ADH1B: variants seen among roughly 807,000 people sequenced by gnomAD.
The protein encoded by ADH1B is alcohol dehydrogenase 1B (class I), beta polypeptide.
ADH1B carries 29 observed loss-of-function variants against 34.6 expected under a neutral mutation model. The observed-to-expected ratio is 0.84, with a 90% CI of 0.62 to 1.14. The LOEUF is 1.14. Among genes scored for constraint, ADH1B ranks in the 50% most tolerant of loss-of-function variants. The pLI is 0.00. For missense variants in ADH1B, 424 were observed against 468.4 expected, an observed-to-expected ratio of 0.91 and a Z score of 0.87; for synonymous variants, 170 against 175.5, an observed-to-expected ratio of 0.97 and a Z score of 0.25.
At chr4:99,310,442 T>C (rs1477422956) in intron 8 of ADH1B, 2 of 391,370 alleles carry the variant, frequency 5.1e-6, no homozygotes, top group Non-Finnish European at 4.9e-6. Flanking sequence ...GTTATAATTA[T>C]GGCTGTTTAA....
In ADH1B at chr4:99,318,148, C is replaced by T. The variant is rs980036132; in HGVS notation, c.157G>A (p.Val53Met). 6 of 1,613,998 alleles carry T rather than the reference C, an allele frequency of 3.7e-6. No individual in the cohort carries two copies. Among genetic ancestry groups the T allele is most frequent in the Non-Finnish European group, 4.2e-6 (5 of 1,180,010 alleles). Reference sequence around the variant, plus strand: ...GGGGTCACCAGGTTGCCACTAACCACGTGGTCATCTGTGTGACAGATTCCT... The same window carrying T: ...GGGGTCACCAGGTTGCCACTAACCATGTGGTCATCTGTGTGACAGATTCCT... ...AVGICHTDDH[V>M]VSGNLVTPLP... Residue 53 changes from valine (V) to methionine (M), a missense_variant, in exon 3 of 9, where the codon GTG becomes ATG. Coordinates refer to ENST00000305046, the MANE Select transcript of ADH1B (RefSeq NM_000668.6).
In ADH1B at chr4:99,318,881, G is replaced by C; in HGVS notation, c.24C>G (p.Ile8Met). ...CCCATAGCACAGCTGCTTTGCATTT[G>C]ATTACCTAGAAAATCAAACAGAGAG... is the stretch of plus-strand genomic sequence containing the variant. Reference protein sequence around the residue: MSTAGKVIKCKAAVLWEV... With the variant: MSTAGKVMKCKAAVLWEV... The change falls in exon 2 of 9, where the codon ATC (isoleucine) becomes ATG (methionine). Residue 8 changes from isoleucine to methionine, a missense_variant. Ile to Met is a conservative substitution (Grantham distance 10). Coordinates refer to ENST00000305046, the MANE Select transcript of ADH1B (RefSeq NM_000668.6). 3.1e-6 allele frequency: 5 copies of C among 1,613,374 alleles called. No homozygotes were observed. The highest frequency in any genetic ancestry group is 4.2e-6 in the Non-Finnish European group (5 of 1,179,400).
chr4:99,317,828 A>G, intron 3 of ADH1B: 2 of 650,290 alleles, frequency 3.1e-6, no homozygotes, highest in Non-Finnish European at 2.5e-6. Context: ...TCTAGTAGAT[A>G]CTCGGTACAT....
intron 8 of ADH1B, among the ~76,000 whole-genome samples, chr4:99,308,418 GA>G (rs1160093073): frequency 2.9e-5 from 4 of 137,786 alleles, no homozygotes; most frequent in African/African-American, 1.4e-4. Context: ...ATTATAAGAT[GA>G]TGGATAACTT....
Position 99,305,072 on chromosome 4 carries a change from A to G in ADH1B, c.*2768T>C, listed in dbSNP as rs1490658605. 1.3e-5 allele frequency: 2 copies of G among 151,770 alleles called. No homozygotes were observed. The highest frequency in any genetic ancestry group is 4.8e-5 in the African/African-American group (2 of 41,284). 9.4% of individuals were successfully genotyped at this position (151,770 alleles called of 1,614,324 possible). A position where few individuals can be genotyped will look rare whatever the true frequency, so the allele number is the denominator to read the frequency against. ...TTAGTTTCCTCTTCCACGAATTTCC[A>G]TCATTGTTCATTTTCCTCTTTGGTT... On this transcript the variant is annotated 3_prime_UTR_variant, in exon 9 of 9. Coordinates refer to ENST00000305046, the MANE Select transcript of ADH1B (RefSeq NM_000668.6).
At chr4:99,319,091 A>C (rs1269036879) in intron 1 of ADH1B, 7 of 699,108 alleles carry the variant, frequency 1.0e-5, no homozygotes, top group Admixed American at 4.5e-5. Flanking sequence ...ACAAAGTATA[A>C]TAAGACATTG....
chr4:99,317,896 G>T, intron 3 of ADH1B, 150 bp downstream of exon 3: 1 of 1,328,914 alleles, frequency 7.5e-7, no homozygotes, highest in Non-Finnish European at 1.0e-6. Context: ...GGGTCAGGCA[G>T]GCAGAGAGGG....
chr4:99,310,710 G>A, intron 8 of ADH1B, 55 bp downstream of exon 8: 1 of 1,576,630 alleles, frequency 6.3e-7, no homozygotes, highest in Non-Finnish European at 8.6e-7. Flanking sequence ...TTCTCTGCTA[G>A]ACAATCCCCT....
intron 2 of ADH1B, 122 bp downstream of exon 2, chr4:99,318,663 A>T: frequency 1.1e-6 from 1 of 951,290 alleles, no homozygotes; most frequent in Non-Finnish European, 1.5e-6. Flanking sequence ...CAACAAATGT[A>T]ATTTTATCTT....
chr4:99,309,328 A>G (rs950867860), intron 8 of ADH1B, among the ~76,000 whole-genome samples: 3 of 152,170 alleles, frequency 2.0e-5, no homozygotes, highest in Non-Finnish European at 4.4e-5. Context: ...GTATGTATCA[A>G]TTACTACTGA....
At chr4:99,318,430 T>G (rs1733942237) in intron 2 of ADH1B, 2 of 569,762 alleles carry the variant, frequency 3.5e-6, no homozygotes, top group Admixed American at 7.5e-5. Flanking sequence ...CTGAAATATT[T>G]AAGTCTTATG....
At chr4:99,320,948 A>G (rs1378690313) in intron 1 of ADH1B, 2 of 1,226,426 alleles carry the variant, frequency 1.6e-6, no homozygotes, top group South Asian at 1.4e-5. Flanking sequence ...AAAAATAATA[A>G]CACATTTGAA....
intron 3 of ADH1B, chr4:99,317,734 T>C: frequency 3.2e-6 from 1 of 315,496 alleles, no homozygotes; most frequent in Non-Finnish European, 5.7e-6. Context: ...AACACAGAAT[T>C]ACTGGACTAT....
chr4:99,306,714 C>A lies in ADH1B; in HGVS notation c.*1126G>T, dbSNP rs1369989426. On this transcript the variant is annotated 3_prime_UTR_variant, in exon 9 of 9. Transcript: ENST00000305046. ...GAGAGTGGGAAAAGCATTAACAAAG[C>A]ATTAACACAGGTCTTTACATATTCA... 1 of 152,116 alleles carries A rather than the reference C, an allele frequency of 6.6e-6. No homozygotes were observed. Among genetic ancestry groups the A allele is most frequent in the African/African-American group, 2.4e-5 (1 of 41,422 alleles). 9.4% of individuals were successfully genotyped at this position (152,116 alleles called of 1,614,324 possible).
intron 3 of ADH1B, chr4:99,317,312 G>A (rs544205923): frequency 6.6e-6 from 1 of 152,322 alleles, no homozygotes; most frequent in East Asian, 1.9e-4. Flanking sequence ...CAATGTCCTA[G>A]TTATTAACCC....
rs763134176 is a variant in ADH1B at position 99,318,799 on chromosome 4, C to A, written c.106G>T (p.Glu36Ter). 1 of 1,613,162 alleles carries A rather than the reference C, an allele frequency of 6.2e-7. No individual in the cohort carries two copies. The highest frequency in any genetic ancestry group is 1.1e-5 in the South Asian group (1 of 90,992). The change falls in exon 2 of 9, where the codon GAA (glutamate) becomes TAA (stop). Residue 36 changes from glutamate to a stop codon, truncating the protein, a stop_gained. Transcript: ENST00000305046. LOFTEE classifies it high-confidence loss of function. Reference sequence around the variant, plus strand: ...AAATATTTCACCTTAATGCGAACTTCATAAGCCTTAGGAGGTGCAACCTCC... The same window carrying A: ...AAATATTTCACCTTAATGCGAACTTAATAAGCCTTAGGAGGTGCAACCTCC... ...DVEVAPPKAYEVRIKMVAVGI... is the reference protein window; with the variant it reads ...DVEVAPPKAY
chr4:99,309,324 A>G (rs1026368116), intron 8 of ADH1B, among the ~76,000 whole-genome samples: 4 of 152,178 alleles, frequency 2.6e-5, no homozygotes, highest in Admixed American at 6.5e-5. Context: ...AAAAGTATGT[A>G]TCAATTACTA....
intron 8 of ADH1B, 68 bp from the exon 9 acceptor site, chr4:99,307,932 A>G: frequency 1.9e-6 from 3 of 1,601,272 alleles, no homozygotes; most frequent in African/African-American, 1.3e-5. Context: ...TGAGAGTCCA[A>G]GGAGCATCTG....
chr4:99,320,845 A>G lies in ADH1B; in HGVS notation c.18+469T>C, dbSNP rs937844173. ...ATGAGTATTTTGTAAGATATTTTAT[A>G]GTAAGGTTAAAGGATATTTCAGTCT... On this transcript the variant is annotated intron_variant, in intron 1 of 8. Transcript: ENST00000305046. The G allele has an allele frequency of 3.2e-6, 4 of 1,238,992 alleles. No individual in the cohort carries two copies. In the African/African-American group the frequency reaches 6.3e-5, roughly 20 times the overall value. 76.7% of individuals were successfully genotyped at this position (1,238,992 alleles called of 1,614,324 possible).
Sources: allele counts gnomAD v4.1 joint callset (sites outside exome capture counted in the v4.1 genomes callset), GRCh38; gene constraint gnomAD v4.1.1; transcripts MANE v1.5; gene names NCBI Gene and HGNC (gene_info 2026-07-23, HGNC 2026-07-21).